The following MME variants were observed in gnomAD, a reference collection of about 807,000 sequenced individuals.
The protein encoded by MME is membrane metalloendopeptidase, also known as neprilysin.
A neutral mutation model predicts 113.2 loss-of-function variants in MME; 98 were observed. The observed-to-expected ratio is 0.87, with a 90% CI of 0.74 to 1.02. The LOEUF (loss-of-function observed/expected upper bound fraction) is 1.02. MME is among the 50% of genes least tolerant of loss of function. The pLI is 0.00. For missense variants in MME, 836 were observed against 896.0 expected (o/e 0.93, Z 0.86); for synonymous variants, 292 against 300.6 (o/e 0.97, Z 0.30).
intron 1 of MME, among the ~76,000 whole-genome samples, chr3:155,039,765 AG>A (rs1713247277): frequency 2.0e-5 from 3 of 152,162 alleles, no homozygotes; most frequent in African/African-American, 7.2e-5. Context: ...TAGAAAAAAA[AG>A]TAAGTATAAA....
intron 16 of MME, among the ~76,000 whole-genome samples, chr3:155,153,455 AC>A (rs1488303882): frequency 6.6e-6 from 1 of 152,118 alleles, no homozygotes; most frequent in African/African-American, 2.4e-5. Flanking sequence ...GGAATATAAT[AC>A]CCTTTGGTTA....
At chr3:155,113,477 A>T (rs543812747) in intron 3 of MME, among the ~76,000 whole-genome samples, 4 of 152,142 alleles carry the variant, frequency 2.6e-5, no homozygotes, top group African/African-American at 9.6e-5. Context: ...TTGGTGTTTC[A>T]TCATGTTGGC....
intron 1 of MME, among the ~76,000 whole-genome samples, chr3:155,045,096 A>G (rs182287298): frequency 2.3e-3 from 350 of 152,260 alleles, no homozygotes; most frequent in African/African-American, 7.9e-3. Context: ...CTGATTTTTC[A>G]GAAAGTAGTC....
intron 12 of MME, among the ~76,000 whole-genome samples, chr3:155,142,764 C>A (rs1447405097): frequency 1.3e-5 from 2 of 152,034 alleles, no homozygotes; most frequent in Non-Finnish European, 2.9e-5. Flanking sequence ...TTAAATAAGA[C>A]CTTTTCTTAG....
chr3:155,037,781 T>C (rs377408166), intron 1 of MME, among the ~76,000 whole-genome samples: 8 of 152,130 alleles, frequency 5.3e-5, no homozygotes, highest in South Asian at 2.1e-4. Context: ...TGGGGAAACA[T>C]TGGATTTGGC....
intron 1 of MME, among the ~76,000 whole-genome samples, 168 bp downstream of exon 1, chr3:155,080,634 G>A (rs1404188473): frequency 1.3e-5 from 2 of 152,066 alleles, no homozygotes; most frequent in East Asian, 3.9e-4. Context: ...GTTGGTCGGT[G>A]CGGGGCTGGT....
intron 1 of MME, among the ~76,000 whole-genome samples, chr3:155,032,941 A>G (rs376103732): frequency 1.3e-5 from 2 of 152,210 alleles, no homozygotes; most frequent in African/African-American, 4.8e-5. Flanking sequence ...AGTTACAATG[A>G]TCTAATTAGC....
intron 1 of MME, among the ~76,000 whole-genome samples, chr3:155,040,365 A>G (rs1281345271): frequency 6.6e-6 from 1 of 151,796 alleles, no homozygotes; most frequent in African/African-American, 2.4e-5. Flanking sequence ...CCTTGAAACA[A>G]TACCACCCCA....
intron 3 of MME, among the ~76,000 whole-genome samples, chr3:155,089,290 G>A (rs13077421): frequency 0.071 from 10,759 of 152,174 alleles, 461 homozygotes; most frequent in South Asian, 0.14. Flanking sequence ...AGACTTTTCC[G>A]TGTAAGTCTG....
intron 3 of MME, among the ~76,000 whole-genome samples, chr3:155,102,837 C>T (rs886629624): frequency 1.3e-5 from 2 of 152,120 alleles, no homozygotes; most frequent in South Asian, 2.1e-4. Context: ...CCCAGCATGC[C>T]GAAACCTTGA....
At chr3:155,101,585 AG>A (rs1717230513) in intron 3 of MME, among the ~76,000 whole-genome samples, 1 of 151,980 alleles carries the variant, frequency 6.6e-6, no homozygotes, top group Admixed American at 6.6e-5. Context: ...CTGGAAAATG[AG>A]TTTCTTTTTT....
chr3:155,141,520 C>T (rs931967177), intron 10 of MME, among the ~76,000 whole-genome samples: 7 of 152,100 alleles, frequency 4.6e-5, no homozygotes, highest in African/African-American at 1.7e-4. Context: ...GACTTCATAA[C>T]ATCACTGTAC....
At chr3:155,167,143 C>T (rs1723162512) in intron 18 of MME, 122 bp downstream of exon 18, 7 of 1,294,634 alleles carry the variant, frequency 5.4e-6, no homozygotes, top group South Asian at 1.2e-5. Context: ...CTCTAATTTT[C>T]ACCACACTTT....
In MME at chr3:155,111,238, G is replaced by A. The variant is rs61763239; in HGVS notation, c.197-3756G>A. ...GGTGCAAAACGAGAATCAAACCCAC[G>A]ATAAGAGATTAAAGGAAGGTTGATC... is the stretch of plus-strand genomic sequence containing the variant. On this transcript the variant is annotated intron_variant, in intron 3 of 22. Transcript: ENST00000360490. Among the ~76,000 whole-genome samples the A allele has an allele frequency of 4.2e-3, 636 of 152,284 alleles. 5 individuals carry two copies. The highest frequency in any genetic ancestry group is 7.0e-3 in the Non-Finnish European group (476 of 68,026).
At chr3:155,113,340 C>T (rs928284104) in intron 3 of MME, among the ~76,000 whole-genome samples, 32 of 152,126 alleles carry the variant, frequency 2.1e-4, no homozygotes, top group African/African-American at 2.7e-4. Flanking sequence ...AGTGCAGTGG[C>T]GCTGTCTTGG....
intron 1 of MME, among the ~76,000 whole-genome samples, chr3:155,057,851 T>C (rs1026029222): frequency 2.0e-5 from 3 of 152,156 alleles, no homozygotes; most frequent in Non-Finnish European, 4.4e-5. Context: ...ATGCCTGTCA[T>C]ATTTTGCCTC....
intron 3 of MME, among the ~76,000 whole-genome samples, chr3:155,094,678 G>T (rs1716579422): frequency 6.6e-6 from 1 of 152,158 alleles, no homozygotes; most frequent in African/African-American, 2.4e-5. Context: ...TAGTATGGGG[G>T]TGACAGTTCA....
intron 3 of MME, among the ~76,000 whole-genome samples, chr3:155,104,912 T>C (rs1717564755): frequency 6.6e-6 from 1 of 152,368 alleles, no homozygotes; most frequent in East Asian, 1.9e-4. Flanking sequence ...GCAGAGTCTT[T>C]CAGGATTCAA....
At chr3:155,069,760 G>T (rs1266640801) in intron 1 of MME, among the ~76,000 whole-genome samples, 1 of 152,064 alleles carries the variant, frequency 6.6e-6, no homozygotes, top group Non-Finnish European at 1.5e-5. Flanking sequence ...TTTCAAATGA[G>T]TAAAAAGCAA....
Sources: gnomAD v4.1 joint callset for allele counts (sites outside exome capture counted in the v4.1 genomes callset) on GRCh38, gnomAD v4.1.1 for gene constraint, MANE v1.5 for transcripts, NCBI Gene and HGNC (gene_info 2026-07-23, HGNC 2026-07-21) for gene names.